The following USP12 variants were observed in gnomAD, a reference collection of about 807,000 sequenced individuals.
USP12 encodes the protein ubiquitin specific peptidase 12, also known as ubiquitin carboxyl-terminal hydrolase 12.
In USP12, 19 loss-of-function variants were observed where a neutral mutation model predicts 45.5. The ratio of observed to expected loss-of-function variants is 0.42; its 90% CI spans 0.29 to 0.61. USP12 has a LOEUF of 0.61. Among genes scored for constraint, USP12 ranks in the 20% least tolerant of loss-of-function variants. The probability of loss-of-function intolerance (pLI) is 0.22; values close to 1 mark genes in which losing one functional copy is unlikely to be tolerated. For missense variants in USP12, 242 were observed against 447.7 expected, an observed-to-expected ratio of 0.54 and a Z score of 4.15; for synonymous variants, 149 against 148.8, an observed-to-expected ratio of 1.00 and a Z score of -0.01.
intron 1 of USP12, among the ~76,000 whole-genome samples, chr13:27,150,734 T>C (rs1877528833): frequency 6.6e-6 from 1 of 152,154 alleles, no homozygotes. Flanking sequence ...TGAATTAAAA[T>C]TGAGGATCCA....
At chr13:27,152,941 C>A (rs1376884334) in intron 1 of USP12, among the ~76,000 whole-genome samples, 12 of 92,790 alleles carry the variant, frequency 1.3e-4, no homozygotes, top group African/African-American at 3.0e-4. Context: ...GACTCCGTCT[C>A]AAAAAAAAAA....
chr13:27,116,453 G>A (rs998583238), intron 2 of USP12, 63 bp downstream of exon 2: 3 of 1,431,460 alleles, frequency 2.1e-6, no homozygotes, highest in Non-Finnish European at 2.9e-6. Context: ...CTTATGGAAT[G>A]CATTCATCGT....
At chr13:27,117,239 T>A (rs1000262636) in intron 1 of USP12, among the ~76,000 whole-genome samples, 4 of 152,208 alleles carry the variant, frequency 2.6e-5, no homozygotes, top group Admixed American at 2.6e-4. Flanking sequence ...TTTTTCTAAG[T>A]AATGAATGAA....
rs1873057512 is a variant in USP12 at position 27,067,629 on chromosome 13, G to C, written c.*1654C>G. On this transcript the variant is annotated 3_prime_UTR_variant, in exon 9 of 9. Coordinates refer to ENST00000282344, the MANE Select transcript of USP12 (RefSeq NM_182488.4). ...AAAAATAGGTGAAGTCATTTCCTGAGCCAAAAGATACAGATAATAAATGTT... is the reference window on the plus strand; with the variant it reads ...AAAAATAGGTGAAGTCATTTCCTGACCCAAAAGATACAGATAATAAATGTT... 6.6e-6 allele frequency: 1 copy of C among 152,128 alleles called. No individual in the cohort carries two copies. 9.4% of individuals were successfully genotyped at this position (152,128 alleles called of 1,614,324 possible). A position where few individuals can be genotyped will look rare whatever the true frequency, so the allele number is the denominator to read the frequency against.
At chr13:27,165,574 T>G (rs1245738552) in intron 1 of USP12, among the ~76,000 whole-genome samples, 23 of 152,226 alleles carry the variant, frequency 1.5e-4, no homozygotes, top group Non-Finnish European at 3.4e-4. Context: ...ATGAACTAGA[T>G]GTTATTTTAC....
At chr13:27,170,045 G>T in intron 1 of USP12, 1 of 333,830 alleles carries the variant, frequency 3.0e-6, no homozygotes, top group Non-Finnish European at 5.4e-6. Flanking sequence ...TTTTGAAATT[G>T]ACTAAGATAA....
At chr13:27,137,650 G>A (rs1440336502) in intron 1 of USP12, among the ~76,000 whole-genome samples, 1 of 152,106 alleles carries the variant, frequency 6.6e-6, no homozygotes, top group Non-Finnish European at 1.5e-5. Context: ...GTGCTGTGGT[G>A]GGCAGAAATT....
At chr13:27,144,606 TA>T (rs1877225797) in intron 1 of USP12, among the ~76,000 whole-genome samples, 1 of 151,008 alleles carries the variant, frequency 6.6e-6, no homozygotes, top group Non-Finnish European at 1.5e-5. Flanking sequence ...GCAAAGTAGA[TA>T]AATTAAAATT....
intron 4 of USP12, among the ~76,000 whole-genome samples, chr13:27,094,071 A>G (rs1305017129): frequency 6.6e-6 from 1 of 152,164 alleles, no homozygotes; most frequent in Non-Finnish European, 1.5e-5. Flanking sequence ...CTGTCACAGT[A>G]AAGATGAGAT....
At chr13:27,099,722 T>C (rs953634221) in intron 3 of USP12, among the ~76,000 whole-genome samples, 1 of 152,164 alleles carries the variant, frequency 6.6e-6, no homozygotes, top group African/African-American at 2.4e-5. Flanking sequence ...GTTATTTTCA[T>C]ATATCCAAAT....
At chr13:27,153,546 A>G (rs1246496272) in intron 1 of USP12, among the ~76,000 whole-genome samples, 1 of 152,236 alleles carries the variant, frequency 6.6e-6, no homozygotes, top group African/African-American at 2.4e-5. Context: ...AAGCTGTGCT[A>G]TCATCCATTA....
intron 6 of USP12, among the ~76,000 whole-genome samples, chr13:27,077,053 C>T (rs993724563): frequency 1.3e-5 from 2 of 152,144 alleles, no homozygotes; most frequent in Non-Finnish European, 2.9e-5. Context: ...AAAATCCCAA[C>T]TATTCAGCAA....
chr13:27,123,966 T>C (rs573840093), intron 1 of USP12, among the ~76,000 whole-genome samples: 1 of 152,262 alleles, frequency 6.6e-6, no homozygotes, highest in South Asian at 2.1e-4. Flanking sequence ...TAATAATAGG[T>C]TGAAATTACA....
intron 1 of USP12, among the ~76,000 whole-genome samples, chr13:27,137,977 G>T (rs1593202972): frequency 6.6e-6 from 1 of 152,340 alleles, no homozygotes; most frequent in African/African-American, 2.4e-5. Flanking sequence ...AAAGCCTAGA[G>T]CCTTCACTTA....
chr13:27,128,226 A>G (rs1194898454), intron 1 of USP12, among the ~76,000 whole-genome samples: 1 of 152,246 alleles, frequency 6.6e-6, no homozygotes, highest in Non-Finnish European at 1.5e-5. Context: ...CAATGAGACA[A>G]TGAGCTAATG....
At chr13:27,135,862 GCTTTT>G (rs1210193846) in intron 1 of USP12, among the ~76,000 whole-genome samples, 3 of 152,140 alleles carry the variant, frequency 2.0e-5, no homozygotes, top group Non-Finnish European at 4.4e-5. Context: ...AGGAAAACAT[GCTTTT>G]CTTTACTTTC....
At chr13:27,092,198 C>T (rs542370974) in intron 4 of USP12, among the ~76,000 whole-genome samples, 1,577 of 152,236 alleles carry the variant, frequency 0.01, 21 homozygotes, top group African/African-American at 0.035. Context: ...CTACCAAACT[C>T]CAATGAAAGA....
chr13:27,083,696 G>A (rs963912348), intron 6 of USP12, among the ~76,000 whole-genome samples: 6 of 151,964 alleles, frequency 3.9e-5, no homozygotes, highest in Non-Finnish European at 8.8e-5. Flanking sequence ...GGAAAAAGCT[G>A]GATAAAGTTT....
intron 4 of USP12, among the ~76,000 whole-genome samples, chr13:27,090,689 G>A (rs923856329): frequency 2.6e-5 from 4 of 152,132 alleles, no homozygotes; most frequent in Non-Finnish European, 5.9e-5. Flanking sequence ...ATGTGAACTG[G>A]AATAGGACAG....
Sources: gnomAD v4.1 joint callset for allele counts (sites outside exome capture counted in the v4.1 genomes callset) on GRCh38, gnomAD v4.1.1 for gene constraint, MANE v1.5 for transcripts, NCBI Gene and HGNC (gene_info 2026-07-23, HGNC 2026-07-21) for gene names.